The following KDM5B variants were observed in gnomAD, a reference collection of about 807,000 sequenced individuals.
KDM5B encodes lysine demethylase 5B.
In KDM5B, 144 loss-of-function variants were observed where a neutral mutation model predicts 193.4. The observed-to-expected ratio is 0.74, with a 90% confidence interval of 0.65 to 0.86. KDM5B has a LOEUF of 0.86. Among genes scored for constraint, KDM5B ranks in the 40% least tolerant of loss-of-function variants. The pLI is 0.00. For missense variants in KDM5B, 1,833 were observed against 1,886.9 expected (o/e 0.97, Z 0.53); for synonymous variants, 668 against 682.6 (o/e 0.98, Z 0.33).
chr1:202,773,737 CTTTT>C (rs35598184), intron 3 of KDM5B, among the ~76,000 whole-genome samples: 5 of 140,732 alleles, frequency 3.6e-5, no homozygotes, highest in South Asian at 2.3e-4. Context: ...GGCTCAGCTT[CTTTT>C]TTTTTTTTTT....
At chr1:202,803,212 T>C (rs1395733362) in intron 1 of KDM5B, among the ~76,000 whole-genome samples, 1 of 152,184 alleles carries the variant, frequency 6.6e-6, no homozygotes. Flanking sequence ...TTAATGTTTT[T>C]CAAAGGTAAT....
chr1:202,791,551 C>G (rs949497626), intron 1 of KDM5B, among the ~76,000 whole-genome samples: 1 of 152,072 alleles, frequency 6.6e-6, no homozygotes, highest in African/African-American at 2.4e-5. Flanking sequence ...TATTTCCTCA[C>G]GCAACCCTAC....
rs374594161 is a variant in KDM5B at position 202,731,886 on chromosome 1, G to A, written c.3963C>T (p.Asn1321=). Residue 1321 remains asparagine, a synonymous_variant, in exon 24 of 27, where the codon AAC becomes AAT. Transcript: ENST00000367265. ...TSFSLPDDWD[N]RTSYLHSPFS... ...AGGGGGAGTGCAAATATGAGGTTCT[G>A]TTGTCCCAGTCATCAGGCAAAGAAA... is the stretch of plus-strand genomic sequence containing the variant. 1.7e-4 allele frequency: 276 copies of A among 1,613,540 alleles called. 1 individual carries two copies. The Admixed American group carries it at 2.4e-3, about 14-fold the overall frequency.
chr1:202,736,511 G>T, intron 20 of KDM5B, 119 bp from the exon 21 acceptor site: 1 of 635,658 alleles, frequency 1.6e-6, no homozygotes, highest in Non-Finnish European at 2.4e-6. Flanking sequence ...ATCTCAACAT[G>T]CTAAATTCAC....
At chr1:202,736,071 A>G (rs1572707843) in intron 21 of KDM5B, 142 bp downstream of exon 21, 2 of 565,260 alleles carry the variant, frequency 3.5e-6, no homozygotes, top group East Asian at 6.7e-5. Context: ...CCAGAAAATT[A>G]GAAGAGTCTC....
At chr1:202,751,600 C>T (rs1379108325) in intron 12 of KDM5B, among the ~76,000 whole-genome samples, 1 of 152,184 alleles carries the variant, frequency 6.6e-6, no homozygotes, top group African/African-American at 2.4e-5. Flanking sequence ...GTTCCAGCTC[C>T]TACTACAGAT....
intron 1 of KDM5B, among the ~76,000 whole-genome samples, chr1:202,787,028 T>C (rs759482054): frequency 2.0e-5 from 3 of 152,186 alleles, no homozygotes; most frequent in Non-Finnish European, 4.4e-5. Flanking sequence ...TTTTTTCTTT[T>C]TCTTTTTGAG....
At chr1:202,771,646 A>G (rs998368364) in intron 4 of KDM5B, among the ~76,000 whole-genome samples, 8 of 151,852 alleles carry the variant, frequency 5.3e-5, no homozygotes, top group Non-Finnish European at 8.8e-5. Flanking sequence ...CAGTGGCACA[A>G]TCTCAGCTCA....
chr1:202,744,488 G>A (rs948612352), intron 16 of KDM5B, among the ~76,000 whole-genome samples: 1 of 152,134 alleles, frequency 6.6e-6, no homozygotes, highest in African/African-American at 2.4e-5. Flanking sequence ...AACCCAGGAG[G>A]TGGAGGTTGC....
At position 202,730,921 on chromosome 1, in the gene KDM5B, G is replaced by A; in HGVS notation, c.4164C>T (p.Pro1388=). 1 of 1,604,972 alleles carries A rather than the reference G, an allele frequency of 6.2e-7. No homozygotes were observed. Among genetic ancestry groups the A allele is most frequent in the Non-Finnish European group, 8.5e-7 (1 of 1,174,084 alleles). The change falls in exon 25 of 27, where the codon CCC becomes CCT. Residue 1388 remains proline (P), a synonymous_variant. Coordinates refer to ENST00000367265, the MANE Select transcript of KDM5B (RefSeq NM_006618.5). ...QQTDRSSPVR[P]SSEKNDCCRG... ...CTCAGACACTCACCTTCTCACTGCTGGGTCTCACTGGTGAGCTTCGGTCAG... is the reference window on the plus strand; with the variant it reads ...CTCAGACACTCACCTTCTCACTGCTAGGTCTCACTGGTGAGCTTCGGTCAG...
intron 14 of KDM5B, among the ~76,000 whole-genome samples, chr1:202,748,521 A>C (rs1464896751): frequency 6.6e-6 from 1 of 151,822 alleles, no homozygotes; most frequent in African/African-American, 2.4e-5. Flanking sequence ...AAAAAAAAAA[A>C]AACTGGTATG....
chr1:202,754,674 C>A (rs1478914840), intron 11 of KDM5B, among the ~76,000 whole-genome samples: 1 of 152,146 alleles, frequency 6.6e-6, no homozygotes, highest in African/African-American at 2.4e-5. Flanking sequence ...TATGCTTTTT[C>A]TATAGGTAAA....
At chr1:202,742,017 A>C (rs756054363) in intron 18 of KDM5B, among the ~76,000 whole-genome samples, 5 of 151,524 alleles carry the variant, frequency 3.3e-5, no homozygotes, top group Non-Finnish European at 7.4e-5. Context: ...CTGGGACTAC[A>C]GGCATGCACC....
intron 1 of KDM5B, among the ~76,000 whole-genome samples, chr1:202,781,585 G>A (rs909802631): frequency 6.6e-6 from 1 of 152,128 alleles, no homozygotes; most frequent in African/African-American, 2.4e-5. Context: ...AAAAGCCAAA[G>A]TAATGTGTTT....
chr1:202,738,159 C>T (rs1655166844), intron 20 of KDM5B, among the ~76,000 whole-genome samples: 1 of 152,082 alleles, frequency 6.6e-6, no homozygotes, highest in Non-Finnish European at 1.5e-5. Flanking sequence ...GCTACTTTTT[C>T]AGGAATGAAG....
chr1:202,760,667 T>C (rs1656211091), intron 7 of KDM5B, 94 bp from the exon 8 acceptor site: 1 of 818,590 alleles, frequency 1.2e-6, no homozygotes, highest in African/African-American at 1.8e-5. Flanking sequence ...AGACATAATC[T>C]AGTCTCTACA....
At chr1:202,750,490 G>A (rs560958911) in intron 13 of KDM5B, among the ~76,000 whole-genome samples, 169 bp downstream of exon 13, 5 of 152,102 alleles carry the variant, frequency 3.3e-5, no homozygotes, top group Non-Finnish European at 7.4e-5. Flanking sequence ...GGCCAGGCTG[G>A]TCTCGAACTC....
At chr1:202,770,843 TG>T (rs1402502324) in intron 4 of KDM5B, among the ~76,000 whole-genome samples, 3 of 152,234 alleles carry the variant, frequency 2.0e-5, no homozygotes, top group Admixed American at 2.0e-4. Context: ...ACAAAGAATG[TG>T]TATCACTTCC....
At chr1:202,781,166 G>A (rs1486730961) in intron 1 of KDM5B, among the ~76,000 whole-genome samples, 1 of 152,146 alleles carries the variant, frequency 6.6e-6, no homozygotes, top group African/African-American at 2.4e-5. Flanking sequence ...AGGCATAGTG[G>A]TGCAAACCTG....
Sources: gnomAD v4.1 joint callset for allele counts (sites outside exome capture counted in the v4.1 genomes callset) on GRCh38, gnomAD v4.1.1 for gene constraint, MANE v1.5 for transcripts, NCBI Gene and HGNC (gene_info 2026-07-23, HGNC 2026-07-21) for gene names.